GP9: variants seen among roughly 807,000 people sequenced by gnomAD.
GP9 encodes glycoprotein IX platelet.
For synonymous variants in GP9, 116 were observed against 116.7 expected (o/e 0.99, Z 0.04); for missense variants, 228 against 241.8 (o/e 0.94, Z 0.38).
chr3:129,055,063 ACTATCTCTATTTTGT>A, the GP9 span, among the ~76,000 whole-genome samples: 244 of 152,314 alleles, frequency 1.6e-3, 2 homozygotes, highest in Admixed American at 3.7e-3. Context: ...TGTCAGTCTT[ACTATCTCTATTTTGT>A]CTATCTCTAT....
At chr3:129,061,202 G>A (rs1559983918) in intron 1 of GP9, among the ~76,000 whole-genome samples, 4 of 152,144 alleles carry the variant, frequency 2.6e-5, no homozygotes, top group African/African-American at 9.7e-5. Flanking sequence ...CCAGATGAGT[G>A]GTTTTCCAGA....
At chr3:129,056,389 T>A (rs924932583), upstream of GP9, among the ~76,000 whole-genome samples, 58 of 152,240 alleles carry the variant, frequency 3.8e-4, no homozygotes, top group African/African-American at 1.3e-3. Flanking sequence ...CTGCTTCCCA[T>A]GAGAAGGAAA....
At chr3:129,057,276 A>G (rs1297807712), upstream of GP9, among the ~76,000 whole-genome samples, 1 of 152,256 alleles carries the variant, frequency 6.6e-6, no homozygotes, top group Non-Finnish European at 1.5e-5. Context: ...ATTATGGTAC[A>G]GAAGGATGGA....
chr3:129,056,415 T>C (rs1946521963), upstream of GP9, among the ~76,000 whole-genome samples: 1 of 152,214 alleles, frequency 6.6e-6, no homozygotes, highest in Non-Finnish European at 1.5e-5. Flanking sequence ...TCTTGGGGGA[T>C]ATTGAAAGAT....
rs1559984423 is a variant in GP9, at chr3:129,062,015, C to T, written c.276C>T (p.Ser92=). Residue 92 remains serine, a synonymous_variant, in exon 3 of 3, where the codon AGC becomes AGT. Coordinates refer to ENST00000307395, the MANE Select transcript of GP9 (RefSeq NM_000174.5). ...AGAACCCCTGGCACTGTGACTGCAG[C>T]CTCACCTATCTGCGCCTCTGGCTGG... is the stretch of plus-strand genomic sequence containing the variant. ...VTQNPWHCDC[S]LTYLRLWLED... 1.9e-6 allele frequency: 3 copies of T among 1,613,644 alleles called. No homozygotes were observed. Among genetic ancestry groups the T allele is most frequent in the Non-Finnish European group, 2.5e-6 (3 of 1,179,850 alleles).
chr3:129,055,149 G>T, the GP9 span, among the ~76,000 whole-genome samples: 4 of 152,272 alleles, frequency 2.6e-5, no homozygotes, highest in African/African-American at 9.6e-5. Context: ...GGTATAACGA[G>T]GCTTCTGACC....
At chr3:129,059,765 C>T, upstream of GP9, among the ~76,000 whole-genome samples, 1 of 152,142 alleles carries the variant, frequency 6.6e-6, no homozygotes, top group Non-Finnish European at 1.5e-5. Flanking sequence ...CCTGCTTGGC[C>T]ATGCAGGAGG....
In GP9 at chr3:129,061,541, G is replaced by A. The variant is rs1576798061; in HGVS notation, c.-91G>A. On this transcript the variant is annotated 5_prime_UTR_variant, in exon 2 of 3. Transcript: ENST00000307395. ...TACGGTGTCCAGAGACAGTTAGCCA[G>A]GCCTGGGCTGGGCACACTCCACCTT... 3.2e-6 allele frequency: 2 copies of A among 634,518 alleles called. No individual in the cohort carries two copies. Among genetic ancestry groups the A allele is most frequent in the African/African-American group, 3.6e-5 (2 of 55,704 alleles). 39.3% of individuals were successfully genotyped at this position (634,518 alleles called of 1,614,324 possible).
At chr3:129,055,645 TTTC>T in the GP9 span, among the ~76,000 whole-genome samples, 246 of 146,054 alleles carry the variant, frequency 1.7e-3, 1 homozygote, top group African/African-American at 5.8e-3. Flanking sequence ...TCTTTCTTTC[TTTC>T]TTTTTTTTTT....
chr3:129,062,011 G>T lies in GP9; in HGVS notation c.272G>T (p.Cys91Phe). 2 of 1,613,670 alleles carry T rather than the reference G, an allele frequency of 1.2e-6. No homozygotes were observed. Among genetic ancestry groups the T allele is most frequent in the Non-Finnish European group, 1.7e-6 (2 of 1,179,864 alleles). ...DVTQNPWHCD[C>F]SLTYLRLWLE... Reference sequence around the variant, plus strand: ...ACGCAGAACCCCTGGCACTGTGACTGCAGCCTCACCTATCTGCGCCTCTGG... The same window carrying T: ...ACGCAGAACCCCTGGCACTGTGACTTCAGCCTCACCTATCTGCGCCTCTGG... Residue 91 changes from cysteine to phenylalanine, a missense_variant, in exon 3 of 3, where the codon TGC becomes TTC. Transcript: ENST00000307395.
chr3:129,055,605 C>G, the GP9 span, among the ~76,000 whole-genome samples: 1 of 151,134 alleles, frequency 6.6e-6, no homozygotes, highest in Admixed American at 6.6e-5. Context: ...CGAGAAGGTA[C>G]GTCAAAGGGT....
chr3:129,055,815 T>C (rs1375557619), upstream of GP9, among the ~76,000 whole-genome samples: 1 of 152,070 alleles, frequency 6.6e-6, no homozygotes, highest in Non-Finnish European at 1.5e-5. Context: ...CAGCTAAATT[T>C]TGTATTTTTA....
chr3:129,062,361 C>T lies in GP9; in HGVS notation c.*88C>T, dbSNP rs1048486959. The T allele has an allele frequency of 1.1e-6, 1 of 888,794 alleles. No individual in the cohort carries two copies. The highest frequency in any genetic ancestry group is 1.7e-6 in the Non-Finnish European group (1 of 581,508). The allele number at this position is 888,794 out of a possible 1,614,324, so 55.1% of individuals were successfully genotyped here. A position where few individuals can be genotyped will look rare whatever the true frequency, so the allele number is the denominator to read the frequency against. On this transcript the variant is annotated 3_prime_UTR_variant, in exon 3 of 3. Coordinates refer to ENST00000307395, the MANE Select transcript of GP9 (RefSeq NM_000174.5). ...CTCCACCAAGCCTGGTCAGCCCAAA[C>T]CACCAGAAGCCCAGAATAAACTGGC...
chr3:129,062,311 C>A lies in GP9; in HGVS notation c.*38C>A. On this transcript the variant is annotated 3_prime_UTR_variant, in exon 3 of 3. Coordinates refer to ENST00000307395, the MANE Select transcript of GP9 (RefSeq NM_000174.5). ...GAACCCCTGGCTCCAGGCCAGGGGG[C>A]CAGTCCCTGAGGCAGGTCCCCAGAC... The A allele has an allele frequency of 1.4e-6, 2 of 1,447,682 alleles. No individual in the cohort carries two copies. Among genetic ancestry groups the A allele is most frequent in the Non-Finnish European group, 1.9e-6 (2 of 1,062,820 alleles). The allele number at this position is 1,447,682 out of a possible 1,614,324, so 89.7% of individuals were successfully genotyped here.
upstream of GP9, among the ~76,000 whole-genome samples, chr3:129,057,777 AAG>A (rs975977487): frequency 1.2e-4 from 18 of 152,082 alleles, no homozygotes; most frequent in African/African-American, 3.6e-4. Flanking sequence ...TAATTGGAGA[AAG>A]AGGTGGAATT....
chr3:129,061,599 G>A lies in GP9; in HGVS notation c.-33G>A, dbSNP rs954140673. On this transcript the variant is annotated 5_prime_UTR_variant, in exon 2 of 3. Coordinates refer to ENST00000307395, the MANE Select transcript of GP9 (RefSeq NM_000174.5). ...CACCAGCTGGTTTCCCAGAGGAGAA[G>A]GCTGAGACCCGAGAAGGGAGGTGAG... The A allele has an allele frequency of 1.4e-6, 1 of 730,172 alleles. No homozygotes were observed. Among genetic ancestry groups the A allele is most frequent in the Admixed American group, 2.1e-5 (1 of 48,328 alleles). 45.2% of individuals were successfully genotyped at this position (730,172 alleles called of 1,614,324 possible).
At chr3:129,059,450 G>A (rs1184093348), upstream of GP9, among the ~76,000 whole-genome samples, 2 of 152,178 alleles carry the variant, frequency 1.3e-5, no homozygotes, top group Non-Finnish European at 2.9e-5. Flanking sequence ...TCCATGGGGA[G>A]GGAGGGAAGG....
In GP9 at chr3:129,062,405, A is replaced by C; in HGVS notation, c.*132A>C. On this transcript the variant is annotated 3_prime_UTR_variant, in exon 3 of 3. Transcript: ENST00000307395. ...AACTGGCAGCTCAGCTGTTTTATAT[A>C]AGCTCAGAGATTTTTTTTTTTTCCC... is the stretch of plus-strand genomic sequence containing the variant. 1.6e-6 allele frequency: 1 copy of C among 618,592 alleles called. No homozygotes were observed. Among genetic ancestry groups the C allele is most frequent in the Non-Finnish European group, 2.7e-6 (1 of 370,600 alleles). The allele number at this position is 618,592 out of a possible 1,614,324, so 38.3% of individuals were successfully genotyped here.
chr3:129,057,831 T>C (rs112350569), upstream of GP9, among the ~76,000 whole-genome samples: 9 of 134,344 alleles, frequency 6.7e-5, no homozygotes, highest in Non-Finnish European at 1.1e-4. Flanking sequence ...AGGTTGCTTC[T>C]TTTTTTTTTT....
Sources: allele counts gnomAD v4.1 joint callset (sites outside exome capture counted in the v4.1 genomes callset), GRCh38; gene constraint gnomAD v4.1.1; transcripts MANE v1.5; gene names NCBI Gene and HGNC (gene_info 2026-07-23, HGNC 2026-07-21).